Variants in CHPT1 observed in about 807,000 individuals in gnomAD.
CHPT1 encodes the protein cholinephosphotransferase 1.
A neutral mutation model predicts 47.6 loss-of-function variants in CHPT1; 36 were observed. The observed-to-expected ratio is 0.76, with a 90% CI of 0.58 to 1.00. CHPT1 has a LOEUF of 1.00. Among genes scored for constraint, CHPT1 ranks in the 50% least tolerant of loss-of-function variants. The pLI, the probability that CHPT1 is intolerant of heterozygous loss-of-function variation, is 0.00. For synonymous variants in CHPT1, 194 were observed against 186.3 expected (o/e 1.04, Z -0.33); for missense variants, 458 against 498.1 (o/e 0.92, Z 0.77).
At chr12:101,719,136 C>A (rs544278758) in intron 4 of CHPT1, among the ~76,000 whole-genome samples, 1 of 117,856 alleles carries the variant, frequency 8.5e-6, no homozygotes, top group East Asian at 2.9e-4. Flanking sequence ...CAGCCCTGGG[C>A]GACAAGAGAC....
chr12:101,725,931 GGAATTAATTCATTATAA>G, intron 7 of CHPT1, among the ~76,000 whole-genome samples: 1 of 152,178 alleles, frequency 6.6e-6, no homozygotes, highest in East Asian at 1.9e-4. Context: ...TGTATATGAT[GGAATTAATTCATTATAA>G]GATGACTGAT....
chr12:101,705,871 A>G (rs148739452), intron 1 of CHPT1, among the ~76,000 whole-genome samples: 30,571 of 140,014 alleles, frequency 0.22, 3,694 homozygotes, highest in African/African-American at 0.29. Flanking sequence ...GATTACAGGC[A>G]TGCACCCCCA....
intron 8 of CHPT1, 81 bp downstream of exon 8, chr12:101,726,485 C>G (rs1445811620): frequency 6.4e-6 from 10 of 1,564,018 alleles, no homozygotes; most frequent in Middle Eastern, 1.7e-4. Context: ...AAGGAAATCC[C>G]CCTGTGCAGG....
At chr12:101,706,940 A>C (rs909018914) in intron 1 of CHPT1, among the ~76,000 whole-genome samples, 22 of 152,368 alleles carry the variant, frequency 1.4e-4, no homozygotes, top group African/African-American at 5.0e-4. Flanking sequence ...AGTCATGAAC[A>C]TCATTGTCAT....
intron 5 of CHPT1, 80 bp downstream of exon 5, chr12:101,720,334 C>A: frequency 8.1e-7 from 1 of 1,229,412 alleles, no homozygotes; most frequent in Non-Finnish European, 1.1e-6. Flanking sequence ...TTAAAATATG[C>A]CAAAGTTCAA....
In CHPT1 at chr12:101,708,632, G is replaced by GATGA. The variant is rs1323280764; in HGVS notation, c.274-5458_274-5457insATGA. ...TCATTTATTTAATTATTTAGAGACAGGGTCTCACTCTGTTGCCCCAGCTGG... is the reference window on the plus strand; with the variant it reads ...TCATTTATTTAATTATTTAGAGACAGATGAGGTCTCACTCTGTTGCCCCAGCTGG... On this transcript the variant is annotated intron_variant, in intron 1 of 8. Transcript: ENST00000229266. Among the ~76,000 whole-genome samples the GATGA allele has an allele frequency of 1.3e-4, 19 of 150,062 alleles. 2 individuals carry two copies. Among genetic ancestry groups the GATGA allele is most frequent in the Middle Eastern group, 3.6e-3 (1 of 274 alleles).
intron 1 of CHPT1, among the ~76,000 whole-genome samples, chr12:101,712,198 C>A (rs568765891): frequency 1.2e-4 from 18 of 147,482 alleles, no homozygotes; most frequent in African/African-American, 4.2e-4. Flanking sequence ...ATTTTTATAT[C>A]TTTTGTAGAG....
chr12:101,723,017 A>C, intron 5 of CHPT1, 151 bp from the exon 6 acceptor site: 1 of 620,208 alleles, frequency 1.6e-6, no homozygotes, highest in Non-Finnish European at 2.7e-6. Context: ...AACCTTGGAA[A>C]GCACAACTCA....
In CHPT1 at chr12:101,720,255, G is replaced by GT. The variant is rs746905023; in HGVS notation, c.780+2dup. The GT allele has an allele frequency of 1.3e-6, 2 of 1,591,428 alleles. No homozygotes were observed. The highest frequency in any genetic ancestry group is 1.7e-6 in the Non-Finnish European group (2 of 1,171,376). ...TGGCAAGAATGGATCCACTATAGCAGTAAGGCAATAATTTCATCATTCAGT... is the reference window on the plus strand; with the variant it reads ...TGGCAAGAATGGATCCACTATAGCAGTTAAGGCAATAATTTCATCATTCAGT... On this transcript the variant is annotated splice_donor_variant, in intron 5 of 8. Coordinates refer to ENST00000229266, the MANE Select transcript of CHPT1 (RefSeq NM_020244.3). LOFTEE classifies it high-confidence loss of function.
rs2136998648 is a variant in CHPT1 at position 101,702,517 on chromosome 12, AAC to A, written c.273+4387_273+4388del. 2.0e-5 allele frequency among the ~76,000 whole-genome samples: 3 copies of A among 152,308 alleles called. No homozygotes were observed. The South Asian group carries it at 6.2e-4, about 32-fold the overall frequency. ...ACTTATTTAAATAACTCATATTTTA[AAC>A]ACAGAATAAACCATTTCTTAAGGTT... On this transcript the variant is annotated intron_variant, in intron 1 of 8. Transcript: ENST00000229266.
chr12:101,700,655 A>G (rs559674357), intron 1 of CHPT1, among the ~76,000 whole-genome samples: 23 of 152,312 alleles, frequency 1.5e-4, no homozygotes, highest in African/African-American at 5.1e-4. Context: ...AAAAGATCCT[A>G]TGTTTTACAT....
intron 8 of CHPT1, chr12:101,728,627 G>C (rs1594155289): frequency 2.9e-6 from 1 of 339,582 alleles, no homozygotes; most frequent in Non-Finnish European, 5.4e-6. Flanking sequence ...GGGATTGATA[G>C]AGATACAATG....
At position 101,697,951 on chromosome 12, in the gene CHPT1, G is replaced by A; in HGVS notation, c.90G>A (p.Glu30=). 6.5e-7 allele frequency: 1 copy of A among 1,542,422 alleles called. No individual in the cohort carries two copies. Among genetic ancestry groups the A allele is most frequent in the Non-Finnish European group, 8.7e-7 (1 of 1,155,022 alleles). ...PLSAAQLRRL[E]EHRYSAAGVS... ...GCGCGGCGCAGCTGCGGCGACTGGA[G>A]GAGCACCGCTACAGCGCGGCGGGCG... Residue 30 remains glutamate, a synonymous_variant, in exon 1 of 9, where the codon GAG becomes GAA. Transcript: ENST00000229266.
At chr12:101,719,156 GAAA>G (rs779382436) in intron 4 of CHPT1, among the ~76,000 whole-genome samples, 2 of 95,042 alleles carry the variant, frequency 2.1e-5, no homozygotes, top group African/African-American at 7.7e-5. Flanking sequence ...CTCGTCTCAA[GAAA>G]AAAAAAAAAA....
chr12:101,715,144 A>G (rs543560762), intron 3 of CHPT1: 1 of 152,572 alleles, frequency 6.6e-6, no homozygotes, highest in Admixed American at 6.5e-5. Context: ...TGTAAATGCT[A>G]GTGCTAAACA....
intron 5 of CHPT1, among the ~76,000 whole-genome samples, chr12:101,721,580 A>G (rs1390121779): frequency 2.0e-5 from 3 of 152,232 alleles, no homozygotes; most frequent in African/African-American, 7.2e-5. Context: ...CAATTCATCT[A>G]GAAATATAAG....
chr12:101,699,117 C>G (rs1951512003), intron 1 of CHPT1, among the ~76,000 whole-genome samples: 1 of 152,210 alleles, frequency 6.6e-6, no homozygotes, highest in Non-Finnish European at 1.5e-5. Context: ...GGGGTTTACT[C>G]TGTCACCCAG....
intron 5 of CHPT1, among the ~76,000 whole-genome samples, chr12:101,722,161 T>G (rs1951860369): frequency 6.6e-6 from 1 of 152,176 alleles, no homozygotes; most frequent in Non-Finnish European, 1.5e-5. Flanking sequence ...TAAACTGGTA[T>G]TTTTCCAACT....
chr12:101,714,532 C>T lies in CHPT1; in HGVS notation c.450C>T (p.Ala150=), dbSNP rs116680583. 5.2e-5 allele frequency: 83 copies of T among 1,605,604 alleles called. 1 individual carries two copies. The East Asian group carries it at 1.2e-3, about 23-fold the overall frequency. Residue 150 remains alanine, a synonymous_variant, in exon 3 of 9, where the codon GCC becomes GCT. Transcript: ENST00000229266. ...TVFMAVGASI[A]ARLGTYPDWF... Reference sequence around the variant, plus strand: ...TTATGGCAGTGGGAGCTTCAATTGCCGCTCGCTTAGGAACTTATCCTGACT... The same window carrying T: ...TTATGGCAGTGGGAGCTTCAATTGCTGCTCGCTTAGGAACTTATCCTGACT...
Sources: allele counts gnomAD v4.1 joint callset (sites outside exome capture counted in the v4.1 genomes callset), GRCh38; gene constraint gnomAD v4.1.1; transcripts MANE v1.5; gene names NCBI Gene and HGNC (gene_info 2026-07-23, HGNC 2026-07-21).